Variants in HVCN1 observed in about 807,000 individuals in gnomAD.
HVCN1 encodes the protein voltage-gated hydrogen channel 1.
A neutral mutation model predicts 29.2 loss-of-function variants in HVCN1; 14 were observed. The observed-to-expected ratio is 0.48, with a 90% confidence interval of 0.32 to 0.75. HVCN1 has a LOEUF of 0.75. Among genes scored for constraint, HVCN1 ranks in the 30% least tolerant of loss-of-function variants. The pLI is 0.04. For missense variants in HVCN1, 263 were observed against 341.8 expected (o/e 0.77, Z 1.82); for synonymous variants, 131 against 133.2 (o/e 0.98, Z 0.11).
intron 2 of HVCN1, among the ~76,000 whole-genome samples, chr12:110,684,505 C>T (rs372332768): frequency 1.3e-4 from 20 of 152,236 alleles, no homozygotes; most frequent in East Asian, 1.2e-3. Context: ...CACATATGGA[C>T]GTGGAAAGAC....
Position 110,659,317 on chromosome 12 carries a change from A to G in HVCN1, c.306+1847T>C, listed in dbSNP as rs373463518. On this transcript the variant is annotated intron_variant, in intron 4 of 7. Transcript: ENST00000242607. Reference sequence around the variant, plus strand: ...ATTTCAGCCACACAAGAGTGGGGAAAAAAAAGACCAAAATAATTTTTTTCT... The same window carrying G: ...ATTTCAGCCACACAAGAGTGGGGAAGAAAAAGACCAAAATAATTTTTTTCT... Among the ~76,000 whole-genome samples, 370 of 152,232 alleles carry G rather than the reference A, an allele frequency of 2.4e-3. 2 individuals are homozygous for G. Among genetic ancestry groups the G allele is most frequent in the Middle Eastern group, 6.8e-3 (2 of 294 alleles).
At chr12:110,694,329 T>C (rs1030788884), upstream of HVCN1, among the ~76,000 whole-genome samples, 1 of 152,226 alleles carries the variant, frequency 6.6e-6, no homozygotes, top group African/African-American at 2.4e-5. The surrounding 1 kb of genome is among the most constrained non-coding windows in gnomAD (Gnocchi z 4.6). Flanking sequence ...CTCAAAGTGC[T>C]GGGATTCTAG....
chr12:110,672,870 G>T (rs1261077169), intron 3 of HVCN1, among the ~76,000 whole-genome samples: 1 of 152,160 alleles, frequency 6.6e-6, no homozygotes, highest in Non-Finnish European at 1.5e-5. Context: ...ATAATTCTGA[G>T]GCCTCCCCAG....
At chr12:110,687,265 C>CT (rs1285277226) in intron 2 of HVCN1, among the ~76,000 whole-genome samples, 2 of 150,328 alleles carry the variant, frequency 1.3e-5, no homozygotes, top group East Asian at 2.0e-4. Flanking sequence ...ACACCCCCCC[C>CT]CCCCAGCTAA....
At chr12:110,681,763 C>G (rs1344224444) in intron 3 of HVCN1, among the ~76,000 whole-genome samples, 1 of 152,148 alleles carries the variant, frequency 6.6e-6, no homozygotes. Context: ...CTGCTCTGCC[C>G]TCGCCAGCTT....
At chr12:110,690,748 G>A (rs1838703595), upstream of HVCN1, among the ~76,000 whole-genome samples, 1 of 151,980 alleles carries the variant, frequency 6.6e-6, no homozygotes, top group Non-Finnish European at 1.5e-5. Flanking sequence ...AAGGTGCTGG[G>A]ATTACAGGTG....
intron 3 of HVCN1, among the ~76,000 whole-genome samples, chr12:110,670,031 A>AG (rs2068521582): frequency 6.6e-6 from 1 of 152,218 alleles, no homozygotes; most frequent in Non-Finnish European, 1.5e-5. Flanking sequence ...CTCAAAAAAA[A>AG]GAAAAAAGAA....
At chr12:110,651,175 C>A in intron 6 of HVCN1, 42 bp downstream of exon 6, 1 of 1,438,242 alleles carries the variant, frequency 7.0e-7, no homozygotes, top group Non-Finnish European at 9.8e-7. Context: ...TATGCCTGGG[C>A]CCCTACTCTC....
intron 4 of HVCN1, among the ~76,000 whole-genome samples, chr12:110,656,106 T>G (rs1337462962): frequency 6.6e-6 from 1 of 152,158 alleles, no homozygotes; most frequent in Non-Finnish European, 1.5e-5. Flanking sequence ...GCAGTCCGAG[T>G]CCTGGAAGGG....
intron 2 of HVCN1, among the ~76,000 whole-genome samples, chr12:110,687,269 C>CA (rs1555238981): frequency 1.4e-5 from 2 of 148,068 alleles, no homozygotes; most frequent in Non-Finnish European, 3.0e-5. Context: ...CCCCCCCCCC[C>CA]AGCTAAGCAC....
chr12:110,702,403 A>G (rs2069572663), exon 2 of HVCN1: 2 of 152,148 alleles, frequency 1.3e-5, no homozygotes, highest in South Asian at 4.1e-4. Flanking sequence ...TCTACTTTCA[A>G]ATGCCGTTGG....
intron 2 of HVCN1, among the ~76,000 whole-genome samples, chr12:110,695,170 A>G (rs920736823): frequency 3.3e-5 from 5 of 152,160 alleles, no homozygotes; most frequent in African/African-American, 1.2e-4. Context: ...GCACTTTGGG[A>G]GGTTGAAGCA....
intron 7 of HVCN1, among the ~76,000 whole-genome samples, chr12:110,649,797 T>C (rs934686089): frequency 6.6e-6 from 1 of 151,404 alleles, no homozygotes; most frequent in African/African-American, 2.4e-5. Context: ...TCTAGGTGCA[T>C]GAGCAGCGCT....
At chr12:110,670,845 A>G (rs1441697084) in intron 3 of HVCN1, among the ~76,000 whole-genome samples, 1 of 152,130 alleles carries the variant, frequency 6.6e-6, no homozygotes, top group Admixed American at 6.5e-5. Context: ...GATAAGATGA[A>G]ATCATACTGG....
chr12:110,686,695 A>G (rs2069197034), intron 2 of HVCN1, among the ~76,000 whole-genome samples: 1 of 152,196 alleles, frequency 6.6e-6, no homozygotes, highest in African/African-American at 2.4e-5. Context: ...AGCCAAAACA[A>G]ATAAAAAGGA....
At chr12:110,693,734 C>G (rs1310464887), upstream of HVCN1, among the ~76,000 whole-genome samples, 2 of 152,078 alleles carry the variant, frequency 1.3e-5, no homozygotes, top group Non-Finnish European at 2.9e-5. Flanking sequence ...AGAACTCCAT[C>G]TATTTATTAC....
At chr12:110,697,340 A>G (rs2069508411) in intron 2 of HVCN1, among the ~76,000 whole-genome samples, 1 of 152,100 alleles carries the variant, frequency 6.6e-6, no homozygotes, top group South Asian at 2.1e-4. Context: ...AAGAGGCTGC[A>G]AAGGAGACAG....
At chr12:110,696,598 TC>T (rs1445041127) in intron 2 of HVCN1, among the ~76,000 whole-genome samples, 1 of 152,028 alleles carries the variant, frequency 6.6e-6, no homozygotes, top group Non-Finnish European at 1.5e-5. Context: ...TTCCTCCCAT[TC>T]CTGTCTCCCT....
chr12:110,663,412 C>A (rs112840554), intron 3 of HVCN1, among the ~76,000 whole-genome samples: 1 of 151,152 alleles, frequency 6.6e-6, no homozygotes, highest in African/African-American at 2.4e-5. Flanking sequence ...GACCAGCCTG[C>A]GCAATAAGGC....
Sources: gnomAD v4.1 joint callset for allele counts (sites outside exome capture counted in the v4.1 genomes callset) on GRCh38, gnomAD v4.1.1 for gene constraint, Gnocchi (gnomAD v3.1) non-coding constraint, MANE v1.5 for transcripts, NCBI Gene and HGNC (gene_info 2026-07-23, HGNC 2026-07-21) for gene names.